Variants in PDLIM1 observed in about 807,000 individuals in gnomAD.
PDLIM1 encodes PDZ and LIM domain protein 1.
A neutral mutation model predicts 35.2 loss-of-function variants in PDLIM1; 25 were observed. The observed-to-expected ratio is 0.71, with a 90% CI of 0.52 to 0.99. The LOEUF (loss-of-function observed/expected upper bound fraction) is 0.99. Ranked by LOEUF, PDLIM1 falls within the 50% of genes least tolerant of loss-of-function variation. The pLI is 0.00. For synonymous variants in PDLIM1, 152 were observed against 154.0 expected (o/e 0.99, Z 0.10); for missense variants, 363 against 415.3 (o/e 0.87, Z 1.09).
At chr10:95,241,969 A>G (rs998268808) in intron 5 of PDLIM1, among the ~76,000 whole-genome samples, 14 of 152,218 alleles carry the variant, frequency 9.2e-5, no homozygotes, top group Non-Finnish European at 2.1e-4. Context: ...GTATATGTGA[A>G]TGCAGCCTGA....
In PDLIM1 at chr10:95,290,666, G is replaced by A. The variant is rs45497492; in HGVS notation, c.96+154C>T. Among the ~76,000 whole-genome samples the A allele has an allele frequency of 0.019, 2,870 of 151,980 alleles. 104 individuals are homozygous for A. The highest frequency in any genetic ancestry group is 0.065 in the African/African-American group (2,711 of 41,500). On this transcript the variant is annotated intron_variant, in intron 1 of 6. Transcript: ENST00000329399. This position sits in a 1 kb window ranked among gnomAD's most constrained non-coding sequence, Gnocchi z 4.7. ...GCGAAGGGGCGGCGGGGAGCGGCGG[G>A]GCCCGGGCGCGCGGAGAGCGCTCAA...
rs1288626662 is a variant in PDLIM1 at position 95,237,907 on chromosome 10, G to T, written c.*18C>A. On this transcript the variant is annotated 3_prime_UTR_variant, in exon 7 of 7. Transcript: ENST00000329399. The stretch of plus-strand genomic sequence containing the variant: ...TGCAGCAGAGGCCTGCTGGAGAACA[G>T]TGGTCAGATCTGCTGGCTCACTTGG... The T allele has an allele frequency of 1.1e-5, 17 of 1,609,576 alleles. No individual in the cohort carries two copies. In the Middle Eastern group the frequency reaches 1.5e-3, roughly 141 times the overall value.
Position 95,271,756 on chromosome 10 carries a change from G to C in PDLIM1, c.125C>G (p.Ala42Gly). The change falls in exon 2 of 7, where the codon GCT (alanine) becomes GGT (glycine). Residue 42 changes from alanine to glycine, a missense_variant. Ala to Gly is a moderately conservative substitution (Grantham distance 60). Coordinates refer to ENST00000329399, the MANE Select transcript of PDLIM1 (RefSeq NM_020992.4). Reference sequence around the variant, plus strand: ...GATTACATCTCCAATACATAAATTAGCTAGAGCCGCCTTGCTTCCAGGAGT... The same window carrying C: ...GATTACATCTCCAATACATAAATTACCTAGAGCCGCCTTGCTTCCAGGAGT... ...RVTPGSKAAL[A>G]NLCIGDVITA... 6.2e-7 allele frequency: 1 copy of C among 1,611,940 alleles called. No individual in the cohort carries two copies. Among genetic ancestry groups the C allele is most frequent in the Non-Finnish European group, 8.5e-7 (1 of 1,179,376 alleles).
intron 5 of PDLIM1, among the ~76,000 whole-genome samples, chr10:95,245,243 A>G (rs2035209882): frequency 6.6e-6 from 1 of 152,200 alleles, no homozygotes; most frequent in African/African-American, 2.4e-5. Context: ...GGGAAGGAGA[A>G]AGCTGGCTCA....
chr10:95,268,988 T>G, intron 2 of PDLIM1, 126 bp from the exon 3 acceptor site: 9 of 661,622 alleles, frequency 1.4e-5, no homozygotes, highest in East Asian at 2.8e-5. Context: ...CCATCAGCTC[T>G]ACCTTCCATT....
intron 1 of PDLIM1, among the ~76,000 whole-genome samples, chr10:95,283,835 C>A (rs2035578955): frequency 6.6e-6 from 1 of 152,206 alleles, no homozygotes. Flanking sequence ...ACTGCTAAAC[C>A]TCCCTGTGCC....
At position 95,243,263 on chromosome 10, in the gene PDLIM1, C is replaced by T. The variant is rs45565739; in HGVS notation, c.685+3952G>A. On this transcript the variant is annotated intron_variant, in intron 5 of 6. Coordinates refer to ENST00000329399, the MANE Select transcript of PDLIM1 (RefSeq NM_020992.4). ...TCTCTCACATATCCAGCCAACACTG[C>T]GAATCCAGAGAAATCTCTCTTCCTT... Among the ~76,000 whole-genome samples, 81 of 152,246 alleles carry T rather than the reference C, an allele frequency of 5.3e-4. No individual in the cohort carries two copies. The East Asian group carries it at 0.01, about 19-fold the overall frequency.
At chr10:95,262,721 G>A (rs1361215406) in intron 4 of PDLIM1, among the ~76,000 whole-genome samples, 1 of 151,732 alleles carries the variant, frequency 6.6e-6, no homozygotes, top group Non-Finnish European at 1.5e-5. Context: ...ACAGAGAATT[G>A]GCCCCATCTT....
chr10:95,268,604 C>G (rs1244403378), intron 3 of PDLIM1, among the ~76,000 whole-genome samples, 174 bp downstream of exon 3: 1 of 152,314 alleles, frequency 6.6e-6, no homozygotes, highest in East Asian at 1.9e-4. Flanking sequence ...CCAGCCCTAT[C>G]CTCCTGCAGT....
chr10:95,244,122 A>G (rs1159745640), intron 5 of PDLIM1, among the ~76,000 whole-genome samples: 2 of 152,176 alleles, frequency 1.3e-5, no homozygotes, highest in Non-Finnish European at 2.9e-5. Flanking sequence ...AGTATATTTC[A>G]CCATTTTTCT....
At chr10:95,269,637 C>G (rs2035445953) in intron 2 of PDLIM1, among the ~76,000 whole-genome samples, 1 of 151,642 alleles carries the variant, frequency 6.6e-6, no homozygotes, top group Middle Eastern at 3.4e-3. Flanking sequence ...TTTGTACCAA[C>G]CACAGAGCAA....
At chr10:95,238,510 T>C in intron 6 of PDLIM1, 58 bp downstream of exon 6, 1 of 1,090,194 alleles carries the variant, frequency 9.2e-7, no homozygotes, top group Non-Finnish European at 1.4e-6. Flanking sequence ...ACTTTCCACA[T>C]TTTCATGGTT....
chr10:95,272,248 C>A (rs2035471152), intron 1 of PDLIM1, among the ~76,000 whole-genome samples: 1 of 152,000 alleles, frequency 6.6e-6, no homozygotes, highest in East Asian at 1.9e-4. Context: ...ACATTATATA[C>A]TATAATACCC....
chr10:95,280,671 C>T (rs2035553802), intron 1 of PDLIM1, among the ~76,000 whole-genome samples: 1 of 152,142 alleles, frequency 6.6e-6, no homozygotes, highest in South Asian at 2.1e-4. Flanking sequence ...GGTTCTCAGG[C>T]AGAGGTTTTT....
chr10:95,260,448 A>G (rs1022848536), intron 4 of PDLIM1, among the ~76,000 whole-genome samples: 19 of 151,986 alleles, frequency 1.3e-4, no homozygotes, highest in Admixed American at 1.2e-3. Context: ...CTGAACTGAC[A>G]TTTTCTTCGC....
At chr10:95,279,510 C>T (rs187401668) in intron 1 of PDLIM1, among the ~76,000 whole-genome samples, 5 of 152,278 alleles carry the variant, frequency 3.3e-5, no homozygotes, top group Admixed American at 1.3e-4. Context: ...CCAACTCTAA[C>T]GCTTTTCCTC....
chr10:95,282,153 G>A (rs7916421), intron 1 of PDLIM1, among the ~76,000 whole-genome samples: 25,173 of 152,202 alleles, frequency 0.17, 2,740 homozygotes, highest in African/African-American at 0.3. Context: ...CATAATCTCC[G>A]CTGATTTAAC....
intron 4 of PDLIM1, among the ~76,000 whole-genome samples, chr10:95,263,533 C>T (rs2035384420): frequency 6.6e-6 from 1 of 152,176 alleles, no homozygotes; most frequent in South Asian, 2.1e-4. Flanking sequence ...AAGCAGCAGG[C>T]CTGTCAAGGA....
intron 5 of PDLIM1, among the ~76,000 whole-genome samples, chr10:95,241,247 A>G (rs2035175555): frequency 6.6e-6 from 1 of 152,080 alleles, no homozygotes; most frequent in Admixed American, 6.6e-5. Context: ...GACATTTATT[A>G]ATTGTTTATT....
Sources: gnomAD v4.1 joint callset for allele counts (sites outside exome capture counted in the v4.1 genomes callset) on GRCh38, gnomAD v4.1.1 for gene constraint, Gnocchi (gnomAD v3.1) non-coding constraint, MANE v1.5 for transcripts, NCBI Gene and HGNC (gene_info 2026-07-23, HGNC 2026-07-21) for gene names.